The following SPMIP3 variants were observed in gnomAD, a reference collection of about 807,000 sequenced individuals.
SPMIP3 encodes protein SPMIP3.
At chr1:244,364,698 A>C in the SPMIP3 span, 2 of 1,614,124 alleles carry the variant, frequency 1.2e-6, no homozygotes, top group Non-Finnish European at 1.7e-6. Context: ...ATTCCCATCC[A>C]TCATGACTGC....
the SPMIP3 span, chr1:244,375,133 G>A: frequency 0.013 from 4,043 of 300,994 alleles, 164 homozygotes; most frequent in African/African-American, 0.075. Context: ...TTACAGATGC[G>A]GGAGGTTGTG....
At chr1:244,365,424 T>C in the SPMIP3 span, among the ~76,000 whole-genome samples, 3 of 152,010 alleles carry the variant, frequency 2.0e-5, no homozygotes, top group Non-Finnish European at 4.4e-5. Context: ...TAAGTGGGAG[T>C]TCCCCTGAAC....
chr1:244,374,940 T>TTTTA, the SPMIP3 span, among the ~76,000 whole-genome samples: 1 of 152,062 alleles, frequency 6.6e-6, no homozygotes, highest in Non-Finnish European at 1.5e-5. Context: ...GCCCCATTGG[T>TTTTA]TTTATTTATT....
At chr1:244,361,708 T>C in the SPMIP3 span, among the ~76,000 whole-genome samples, 73 of 152,282 alleles carry the variant, frequency 4.8e-4, no homozygotes, top group African/African-American at 1.7e-3. Flanking sequence ...ATATCTATAA[T>C]AATTAAAAAT....
chr1:244,358,290 T>G, the SPMIP3 span, among the ~76,000 whole-genome samples: 2 of 75,282 alleles, frequency 2.7e-5, no homozygotes, highest in Admixed American at 3.5e-4. Flanking sequence ...TGCTGTGGTT[T>G]AAATATGTAT....
At chr1:244,383,519 A>T in the SPMIP3 span, among the ~76,000 whole-genome samples, 1 of 152,172 alleles carries the variant, frequency 6.6e-6, no homozygotes, top group East Asian at 1.9e-4. Context: ...TAAAAAAATA[A>T]ATAACCATAA....
the SPMIP3 span, among the ~76,000 whole-genome samples, chr1:244,382,786 T>C: frequency 6.6e-6 from 1 of 151,902 alleles, no homozygotes; most frequent in African/African-American, 2.4e-5. Flanking sequence ...GTATTTTTAG[T>C]AGAGGTGCGG....
At chr1:244,378,723 C>G in the SPMIP3 span, 4 of 1,432,140 alleles carry the variant, frequency 2.8e-6, no homozygotes, top group Non-Finnish European at 3.8e-6. Flanking sequence ...CTTGCTGTCT[C>G]AGGGAGCCTG....
the SPMIP3 span, among the ~76,000 whole-genome samples, chr1:244,379,964 CAAA>C: frequency 6.9e-6 from 1 of 145,798 alleles, no homozygotes; most frequent in African/African-American, 2.5e-5. Flanking sequence ...GCAAAACTGT[CAAA>C]AAAAAAAAAA....
At chr1:244,375,467 G>A in the SPMIP3 span, 3 of 1,611,796 alleles carry the variant, frequency 1.9e-6, no homozygotes, top group Non-Finnish European at 2.5e-6. Flanking sequence ...AGAGCTCCCA[G>A]GTGAGACACC....
chr1:244,355,052 G>A, the SPMIP3 span, among the ~76,000 whole-genome samples: 1 of 152,212 alleles, frequency 6.6e-6, no homozygotes, highest in Non-Finnish European at 1.5e-5. Context: ...GGCAGGGTCA[G>A]GCAAAGGCAG....
the SPMIP3 span, chr1:244,389,236 A>G: frequency 1.9e-6 from 1 of 538,304 alleles, no homozygotes; most frequent in Admixed American, 3.3e-5. Context: ...AGCTTAGAAC[A>G]GGGAATCAAG....
At chr1:244,374,112 C>T in the SPMIP3 span, among the ~76,000 whole-genome samples, 1 of 152,020 alleles carries the variant, frequency 6.6e-6, no homozygotes, top group Admixed American at 6.6e-5. Context: ...GACTCCGTCT[C>T]AAAATAAATA....
At chr1:244,353,853 C>A in the SPMIP3 span, among the ~76,000 whole-genome samples, 2 of 152,058 alleles carry the variant, frequency 1.3e-5, no homozygotes, top group African/African-American at 4.8e-5. Flanking sequence ...TGCTGCGAGC[C>A]CTCTTCTAAA....
chr1:244,379,114 G>C, the SPMIP3 span, among the ~76,000 whole-genome samples: 1 of 151,728 alleles, frequency 6.6e-6, no homozygotes, highest in African/African-American at 2.4e-5. Context: ...ATTTTTAGTA[G>C]AGACGGGGTT....
the SPMIP3 span, among the ~76,000 whole-genome samples, chr1:244,360,965 A>C: frequency 2.0e-5 from 3 of 152,056 alleles, no homozygotes; most frequent in East Asian, 1.9e-4. Flanking sequence ...AAAATAAGCC[A>C]GGCACAGAAA....
chr1:244,379,962 G>C, the SPMIP3 span, among the ~76,000 whole-genome samples: 1 of 75,258 alleles, frequency 1.3e-5, no homozygotes, highest in African/African-American at 4.9e-5. Flanking sequence ...GAGCAAAACT[G>C]TCAAAAAAAA....
the SPMIP3 span, among the ~76,000 whole-genome samples, chr1:244,354,372 T>C: frequency 2.7e-5 from 4 of 150,504 alleles, no homozygotes; most frequent in Admixed American, 1.3e-4. Context: ...TTTTTTTTTT[T>C]TTGAGTTGGA....
At chr1:244,384,991 T>A in the SPMIP3 span, among the ~76,000 whole-genome samples, 1 of 152,112 alleles carries the variant, frequency 6.6e-6, no homozygotes, top group African/African-American at 2.4e-5. Flanking sequence ...AACCTCCACC[T>A]CCCAGATTCA....
Sources: allele counts gnomAD v4.1 joint callset (sites outside exome capture counted in the v4.1 genomes callset), GRCh38; gene constraint gnomAD v4.1.1; transcripts MANE v1.5; gene names NCBI Gene and HGNC (gene_info 2026-07-23, HGNC 2026-07-21).